FBXW7: variants seen among roughly 807,000 people sequenced by gnomAD.
FBXW7 encodes F-box and WD repeat domain containing 7, also known as F-box/WD repeat-containing protein 7.
Under a neutral mutation model 86.3 loss-of-function variants are expected in FBXW7, and 11 were observed. That is an observed-to-expected ratio of 0.13 (90% CI 0.08 to 0.21). FBXW7 has a LOEUF of 0.21. Ranked by LOEUF, FBXW7 falls within the 10% of genes least tolerant of loss-of-function variation. FBXW7 has a pLI of 1.00. For synonymous variants in FBXW7, 313 were observed against 297.9 expected (o/e 1.05, Z -0.52); for missense variants, 488 against 847.4 (o/e 0.58, Z 5.27).
chr4:152,438,814 G>GA (rs1338086003), intron 2 of FBXW7, among the ~76,000 whole-genome samples: 2 of 152,178 alleles, frequency 1.3e-5, no homozygotes, highest in Non-Finnish European at 2.9e-5. Flanking sequence ...TAACAGCACA[G>GA]AAAAAATATA....
At chr4:152,518,911 T>C (rs572606352) in intron 2 of FBXW7, among the ~76,000 whole-genome samples, 2 of 152,242 alleles carry the variant, frequency 1.3e-5, no homozygotes, top group South Asian at 2.1e-4. Context: ...ACTCACTGGG[T>C]AGGGAATAGT....
intron 2 of FBXW7, among the ~76,000 whole-genome samples, chr4:152,468,708 A>G (rs1743672674): frequency 6.6e-6 from 1 of 152,138 alleles, no homozygotes; most frequent in African/African-American, 2.4e-5. Context: ...ACACTTAGAG[A>G]TGAAATCTCC....
intron 2 of FBXW7, among the ~76,000 whole-genome samples, chr4:152,482,738 T>C (rs1376778776): frequency 1.3e-5 from 2 of 152,176 alleles, no homozygotes; most frequent in Non-Finnish European, 2.9e-5. Context: ...CATACCAATA[T>C]TTCCAATTAA....
chr4:152,449,869 T>C (rs1318839237), intron 2 of FBXW7, among the ~76,000 whole-genome samples: 4 of 152,202 alleles, frequency 2.6e-5, no homozygotes, highest in Non-Finnish European at 5.9e-5. Context: ...TTTATAGTCT[T>C]CACAAATAAT....
intron 13 of FBXW7, 138 bp from the exon 14 acceptor site, chr4:152,323,287 TC>T: frequency 1.9e-6 from 2 of 1,037,746 alleles, no homozygotes; most frequent in East Asian, 5.2e-5. Flanking sequence ...GAAACCCATG[TC>T]CTCAGTATTT....
chr4:152,461,343 T>A (rs534970322), intron 2 of FBXW7, among the ~76,000 whole-genome samples: 3 of 152,330 alleles, frequency 2.0e-5, no homozygotes, highest in Non-Finnish European at 4.4e-5. Context: ...CTTTACAGTA[T>A]CTGTTTCTCT....
chr4:152,403,126 G>A (rs1737091690), intron 4 of FBXW7, among the ~76,000 whole-genome samples: 1 of 152,054 alleles, frequency 6.6e-6, no homozygotes, highest in Non-Finnish European at 1.5e-5. Context: ...TGGGAATACG[G>A]GAAGGGAGGG....
intron 4 of FBXW7, among the ~76,000 whole-genome samples, chr4:152,368,138 C>T (rs1284311957): frequency 1.3e-5 from 2 of 152,054 alleles, no homozygotes; most frequent in Non-Finnish European, 2.9e-5. Context: ...GCCCCATCTG[C>T]CAGCACCCCA....
chr4:152,362,769 G>A (rs1218805008), intron 4 of FBXW7, among the ~76,000 whole-genome samples: 2 of 144,808 alleles, frequency 1.4e-5, no homozygotes, highest in Admixed American at 1.4e-4. Context: ...AGAGGATGCA[G>A]TGAGCCAAGA....
At chr4:152,502,189 C>T (rs770409188) in intron 2 of FBXW7, among the ~76,000 whole-genome samples, 3 of 152,102 alleles carry the variant, frequency 2.0e-5, no homozygotes, top group Non-Finnish European at 4.4e-5. Context: ...GCTAGTGTTA[C>T]CAGGGAATTG....
intron 2 of FBXW7, among the ~76,000 whole-genome samples, chr4:152,528,549 T>C (rs1038595122): frequency 3.3e-5 from 5 of 152,220 alleles, no homozygotes; most frequent in South Asian, 2.1e-4. Flanking sequence ...AAGTTTGTCA[T>C]TCCAATATCC....
intron 4 of FBXW7, among the ~76,000 whole-genome samples, chr4:152,367,667 C>T (rs1054528339): frequency 1.3e-5 from 2 of 152,216 alleles, no homozygotes; most frequent in African/African-American, 4.8e-5. Flanking sequence ...AAACATTCCT[C>T]GACTTAATCT....
intron 2 of FBXW7, among the ~76,000 whole-genome samples, chr4:152,458,898 A>G (rs758443940): frequency 6.6e-6 from 1 of 152,204 alleles, no homozygotes; most frequent in Non-Finnish European, 1.5e-5. Flanking sequence ...AAGTTTCACA[A>G]TAAGAGATAA....
At position 152,332,685 on chromosome 4, in the gene FBXW7, T is replaced by C. The variant is rs2126549431; in HGVS notation, c.896A>G (p.Lys299Arg). 3 of 1,599,876 alleles carry C rather than the reference T, an allele frequency of 1.9e-6. No homozygotes were observed. The highest frequency in any genetic ancestry group is 1.3e-5 in the African/African-American group (1 of 74,618). The change falls in exon 8 of 14, where the codon AAA (lysine) becomes AGA (arginine). Residue 299 changes from lysine (K) to arginine (R), a missense_variant. Lys to Arg is a conservative substitution (Grantham distance 26). Coordinates refer to ENST00000281708, the MANE Select transcript of FBXW7 (RefSeq NM_001349798.2). The stretch of plus-strand genomic sequence containing the variant: ...TGTCTGAGCTGCTTGTAGCAGGTCT[T>C]TGGGTTCCAGGAATGAAAGCACATA... ...ALYVLSFLEPKDLLQAAQTCR... is the reference protein window; with the variant it reads ...ALYVLSFLEPRDLLQAAQTCR...
chr4:152,509,104 A>G (rs1390400776), intron 2 of FBXW7, among the ~76,000 whole-genome samples: 1 of 152,242 alleles, frequency 6.6e-6, no homozygotes, highest in Admixed American at 6.5e-5. Context: ...GAATTGTTTC[A>G]GGTTAAAGAA....
chr4:152,491,259 A>G (rs1438685446), intron 2 of FBXW7, among the ~76,000 whole-genome samples: 1 of 152,176 alleles, frequency 6.6e-6, no homozygotes, highest in African/African-American at 2.4e-5. Context: ...GTAATAGAAT[A>G]GCTCTTCAAT....
intron 2 of FBXW7, among the ~76,000 whole-genome samples, chr4:152,428,876 T>C (rs1007514352): frequency 2.6e-5 from 4 of 152,188 alleles, no homozygotes; most frequent in Admixed American, 2.0e-4. Flanking sequence ...TAAGTATAGA[T>C]TGTACTTAAC....
chr4:152,512,495 A>G (rs967441538), intron 2 of FBXW7, among the ~76,000 whole-genome samples: 9 of 152,214 alleles, frequency 5.9e-5, no homozygotes, highest in African/African-American at 2.2e-4. Flanking sequence ...AAACAACCCC[A>G]AAGTCCATCA....
At chr4:152,457,417 CGG>C in intron 2 of FBXW7, among the ~76,000 whole-genome samples, 1 of 152,080 alleles carries the variant, frequency 6.6e-6, no homozygotes. Flanking sequence ...CCGAGGCAGG[CGG>C]ATCACGAGGT....
Sources: allele counts gnomAD v4.1 joint callset (sites outside exome capture counted in the v4.1 genomes callset), GRCh38; gene constraint gnomAD v4.1.1; transcripts MANE v1.5; gene names NCBI Gene and HGNC (gene_info 2026-07-23, HGNC 2026-07-21).